The following ARRDC3 variants were observed in gnomAD, a reference collection of about 807,000 sequenced individuals.
ARRDC3 encodes arrestin domain containing 3.
ARRDC3 carries 10 observed loss-of-function variants against 47.2 expected under a neutral mutation model. That is an observed-to-expected ratio of 0.21 (90% CI 0.13 to 0.36). The LOEUF (loss-of-function observed/expected upper bound fraction) is 0.36, where lower values mean the gene tolerates loss of function less well. Ranked by LOEUF, ARRDC3 falls within the 10% of genes least tolerant of loss-of-function variation. The pLI is 1.00. For synonymous variants in ARRDC3, 156 were observed against 178.3 expected (o/e 0.87, Z 1.00); for missense variants, 381 against 503.6 (o/e 0.76, Z 2.33).
chr5:91,380,038 C>T (rs753731057), intron 1 of ARRDC3: 6 of 152,258 alleles, frequency 3.9e-5, no homozygotes, highest in Non-Finnish European at 5.9e-5. Context: ...AGTTCGCCTT[C>T]CTTTCCCTTT....
At chr5:91,373,268 T>C (rs1442080481) in intron 7 of ARRDC3, among the ~76,000 whole-genome samples, 2 of 152,196 alleles carry the variant, frequency 1.3e-5, no homozygotes, top group African/African-American at 4.8e-5. Flanking sequence ...ACAAATACAT[T>C]ATTTCTTATG....
rs960100049 is a variant in ARRDC3 at position 91,369,905 on chromosome 5, T to C, written c.*1495A>G. 10 of 152,216 alleles carry C rather than the reference T, an allele frequency of 6.6e-5. No homozygotes were observed. The highest frequency in any genetic ancestry group is 5.9e-4 in the Admixed American group (9 of 15,270). 9.4% of individuals were successfully genotyped at this position (152,216 alleles called of 1,614,324 possible). ...CTTACTGATGTGATTGTTCTTCCTA[T>C]GTAATCTATACATAATCAAAGTGAG... On this transcript the variant is annotated 3_prime_UTR_variant, in exon 8 of 8. Coordinates refer to ENST00000265138, the MANE Select transcript of ARRDC3 (RefSeq NM_020801.4).
In ARRDC3 at chr5:91,369,957, C is replaced by T. The variant is rs750854633; in HGVS notation, c.*1443G>A. 1.3e-5 allele frequency: 2 copies of T among 152,190 alleles called. No individual in the cohort carries two copies. Among genetic ancestry groups the T allele is most frequent in the South Asian group, 2.1e-4 (1 of 4,828 alleles). The allele number at this position is 152,190 out of a possible 1,614,324, so 9.4% of individuals were successfully genotyped here. ...GATTTCTCATGTTTAGCAAATTGTT[C>T]TTTAGGTAATGAAAAACAGTATTCT... On this transcript the variant is annotated 3_prime_UTR_variant, in exon 8 of 8. Coordinates refer to ENST00000265138, the MANE Select transcript of ARRDC3 (RefSeq NM_020801.4).
At chr5:91,375,318 G>A (rs1799276197) in intron 4 of ARRDC3, 140 bp from the exon 5 acceptor site, 2 of 1,010,518 alleles carry the variant, frequency 2.0e-6, no homozygotes, top group Non-Finnish European at 1.4e-6. Flanking sequence ...TTGAGTCATA[G>A]AAATGAACTA....
chr5:91,376,861 GT>G, intron 2 of ARRDC3, 93 bp from the exon 3 acceptor site: 1 of 1,197,318 alleles, frequency 8.4e-7, no homozygotes. Context: ...ATATTGTATT[GT>G]TTATGTTCCA....
chr5:91,376,907 A>G, intron 2 of ARRDC3, 139 bp from the exon 3 acceptor site: 1 of 792,028 alleles, frequency 1.3e-6, no homozygotes, highest in Admixed American at 4.2e-5. Context: ...AAAAATTTCC[A>G]AAGGGATAAG....
At chr5:91,379,894 A>G (rs1799402743) in intron 1 of ARRDC3, 1 of 152,182 alleles carries the variant, frequency 6.6e-6, no homozygotes, top group Non-Finnish European at 1.5e-5. Context: ...TCATTTAAAA[A>G]TCATGGTGAT....
At chr5:91,376,580 T>C (rs1438479260) in intron 3 of ARRDC3, 41 bp downstream of exon 3, 3 of 1,516,928 alleles carry the variant, frequency 2.0e-6, no homozygotes, top group East Asian at 4.6e-5. Flanking sequence ...TTAATATTTA[T>C]ATGCCAAAAA....
chr5:91,372,102 T>A (rs1303426811), intron 7 of ARRDC3, among the ~76,000 whole-genome samples: 1 of 152,002 alleles, frequency 6.6e-6, no homozygotes, highest in African/African-American at 2.4e-5. Flanking sequence ...ATCTTCAGAG[T>A]GACTTTTATA....
At chr5:91,375,312 G>T in intron 4 of ARRDC3, 134 bp from the exon 5 acceptor site, 1 of 1,076,690 alleles carries the variant, frequency 9.3e-7, no homozygotes. Context: ...AATAACTTGA[G>T]TCATAGAAAT....
intron 1 of ARRDC3, among the ~76,000 whole-genome samples, chr5:91,381,821 G>A (rs1162235579): frequency 6.6e-6 from 1 of 152,172 alleles, no homozygotes; most frequent in Non-Finnish European, 1.5e-5. Context: ...CCTGACGCGT[G>A]TAACCAATCT....
chr5:91,372,470 G>A (rs1397466245), intron 7 of ARRDC3, among the ~76,000 whole-genome samples: 1 of 152,094 alleles, frequency 6.6e-6, no homozygotes, highest in African/African-American at 2.4e-5. Context: ...TGGACAGCCA[G>A]GAAGCCTCAA....
At chr5:91,374,739 C>A (rs1799259166) in intron 5 of ARRDC3, among the ~76,000 whole-genome samples, 183 bp downstream of exon 5, 1 of 152,084 alleles carries the variant, frequency 6.6e-6, no homozygotes, top group Non-Finnish European at 1.5e-5. Context: ...CAAAAATTAT[C>A]CAGGCATGGC....
At chr5:91,374,552 T>C (rs915361012) in intron 5 of ARRDC3, among the ~76,000 whole-genome samples, 2 of 152,046 alleles carry the variant, frequency 1.3e-5, no homozygotes, top group South Asian at 2.1e-4. Context: ...AACTATGTCA[T>C]AACTTTAAGA....
At chr5:91,379,086 G>T (rs1582375585) in intron 1 of ARRDC3, among the ~76,000 whole-genome samples, 1 of 151,912 alleles carries the variant, frequency 6.6e-6, no homozygotes, top group Middle Eastern at 3.4e-3. Context: ...TACTCAAAAG[G>T]CTCGGGTCTC....
intron 4 of ARRDC3, 82 bp from the exon 5 acceptor site, chr5:91,375,260 A>C: frequency 7.1e-7 from 1 of 1,409,744 alleles, no homozygotes; most frequent in Non-Finnish European, 9.6e-7. Context: ...TAAAGTAAGA[A>C]AGTGCAACTA....
chr5:91,380,820 A>C (rs1357833170), intron 1 of ARRDC3: 2 of 152,274 alleles, frequency 1.3e-5, no homozygotes, highest in Non-Finnish European at 2.9e-5. Flanking sequence ...ACTCAGTTAA[A>C]GCCTGAAGTC....
At position 91,375,039 on chromosome 5, in the gene ARRDC3, A is replaced by G; in HGVS notation, c.753T>C (p.Arg251=). Reference sequence around the variant, plus strand: ...TCTTTCCAGATGATAAGGATTCCCCACGCAAGTTAGCCACAAGCTGTTTTA... The same window carrying G: ...TCTTTCCAGATGATAAGGATTCCCCGCGCAAGTTAGCCACAAGCTGTTTTA... ...KEVKQLVANL[R]GESLSSGKTE... The change falls in exon 5 of 8, where the codon CGT becomes CGC. Residue 251 remains arginine, a synonymous_variant. Transcript: ENST00000265138. 6.2e-7 allele frequency: 1 copy of G among 1,614,246 alleles called. No homozygotes were observed.
At chr5:91,376,877 G>C in intron 2 of ARRDC3, 109 bp from the exon 3 acceptor site, 1 of 1,058,050 alleles carries the variant, frequency 9.5e-7, no homozygotes, top group South Asian at 3.5e-5. Flanking sequence ...GTTCCAATGA[G>C]GTATCAAACA....
Sources: gnomAD v4.1 joint callset for allele counts (sites outside exome capture counted in the v4.1 genomes callset) on GRCh38, gnomAD v4.1.1 for gene constraint, MANE v1.5 for transcripts, NCBI Gene and HGNC (gene_info 2026-07-23, HGNC 2026-07-21) for gene names.